PTPRR: variants seen among roughly 807,000 people sequenced by gnomAD.
The protein encoded by PTPRR is protein tyrosine phosphatase receptor type R.
A neutral mutation model predicts 77.2 loss-of-function variants in PTPRR; 38 were observed. That is an observed-to-expected ratio of 0.49 (90% CI 0.38 to 0.65). PTPRR has a LOEUF of 0.65. Ranked by LOEUF, PTPRR falls within the 30% of genes least tolerant of loss-of-function variation. The probability of loss-of-function intolerance (pLI) is 0.00; values close to 1 mark genes in which losing one functional copy is unlikely to be tolerated. For synonymous variants in PTPRR, 299 were observed against 283.1 expected (o/e 1.06, Z -0.57); for missense variants, 744 against 799.2 (o/e 0.93, Z 0.83).
chr12:70,872,552 C>A (rs1171245906), intron 2 of PTPRR, among the ~76,000 whole-genome samples: 3 of 151,536 alleles, frequency 2.0e-5, no homozygotes, highest in African/African-American at 7.3e-5. Context: ...AAAAATTAGC[C>A]AGGCGTGGTG....
intron 2 of PTPRR, among the ~76,000 whole-genome samples, chr12:70,882,616 A>G (rs1364661470): frequency 6.7e-6 from 1 of 149,774 alleles, no homozygotes; most frequent in Admixed American, 6.7e-5. Flanking sequence ...AGTAAGACCC[A>G]TTTTTTTTTT....
At chr12:70,738,700 T>G (rs1248562596) in intron 6 of PTPRR, among the ~76,000 whole-genome samples, 1 of 152,238 alleles carries the variant, frequency 6.6e-6, no homozygotes, top group African/African-American at 2.4e-5. Context: ...GAACTCAGCA[T>G]GTATACAATT....
chr12:70,769,146 G>A (rs1680199859), intron 2 of PTPRR, among the ~76,000 whole-genome samples: 2 of 142,148 alleles, frequency 1.4e-5, no homozygotes, highest in Admixed American at 1.4e-4. Context: ...CATAGTGTTG[G>A]AAGTTCTGGC....
chr12:70,849,662 G>A lies in PTPRR; in HGVS notation c.357+43017C>T, dbSNP rs1892541336. Among the ~76,000 whole-genome samples, 3 of 152,144 alleles carry A rather than the reference G, an allele frequency of 2.0e-5. 1 individual carries two copies. Among genetic ancestry groups the A allele is most frequent in the South Asian group, 4.1e-4 (2 of 4,836 alleles). On this transcript the variant is annotated intron_variant, in intron 2 of 13. Transcript: ENST00000283228. Reference sequence around the variant, plus strand: ...TTTTCCATGAAAAGAAAATCTATCAGTCTACAAAAATATGTGGTTGACAAT... The same window carrying A: ...TTTTCCATGAAAAGAAAATCTATCAATCTACAAAAATATGTGGTTGACAAT...
intron 2 of PTPRR, among the ~76,000 whole-genome samples, chr12:70,888,926 T>C (rs911433327): frequency 6.6e-6 from 1 of 152,226 alleles, no homozygotes; most frequent in Admixed American, 6.5e-5. Flanking sequence ...TAGGTTGTAC[T>C]AAAGCATCGT....
chr12:70,902,764 G>A (rs1375103500), intron 1 of PTPRR, among the ~76,000 whole-genome samples: 1 of 151,664 alleles, frequency 6.6e-6, no homozygotes, highest in Non-Finnish European at 1.5e-5. Context: ...AGGGATAAAA[G>A]TCTAACAAAT....
At chr12:70,710,186 A>G (rs1271913358) in intron 6 of PTPRR, among the ~76,000 whole-genome samples, 3 of 152,170 alleles carry the variant, frequency 2.0e-5, no homozygotes, top group African/African-American at 7.2e-5. Flanking sequence ...ACAGCATAGT[A>G]CTGGGACAAA....
chr12:70,731,157 G>T (rs1489548808), intron 6 of PTPRR, among the ~76,000 whole-genome samples: 1 of 114,842 alleles, frequency 8.7e-6, no homozygotes, highest in Non-Finnish European at 1.9e-5. Context: ...GGAAAAGAAA[G>T]AAAATATACT....
intron 1 of PTPRR, among the ~76,000 whole-genome samples, chr12:70,900,575 AAAGTC>A (rs1421128316): frequency 6.6e-6 from 1 of 151,666 alleles, no homozygotes; most frequent in African/African-American, 2.4e-5. Flanking sequence ...AACAATTAAC[AAAGTC>A]AAGTGATAAC....
chr12:70,884,628 A>G lies in PTPRR; in HGVS notation c.357+8051T>C, dbSNP rs10879212. Among the ~76,000 whole-genome samples the G allele has an allele frequency of 1.6e-3, 245 of 151,760 alleles. 2 individuals carry two copies. The highest frequency in any genetic ancestry group is 3.4e-3 in the Middle Eastern group (1 of 294). ...CACGCCTGTAATCCCAGCACTTTGG[A>G]AGGCCGAGGCGGGCGGATCACGAGG... On this transcript the variant is annotated intron_variant, in intron 2 of 13. Coordinates refer to ENST00000283228, the MANE Select transcript of PTPRR (RefSeq NM_002849.4).
intron 6 of PTPRR, among the ~76,000 whole-genome samples, chr12:70,715,853 T>C (rs894977388): frequency 2.0e-5 from 3 of 152,144 alleles, no homozygotes; most frequent in Non-Finnish European, 4.4e-5. Flanking sequence ...GCAATTATCA[T>C]AGGGTCCTGA....
chr12:70,847,838 A>G (rs1290214231), intron 2 of PTPRR, among the ~76,000 whole-genome samples: 1 of 152,190 alleles, frequency 6.6e-6, no homozygotes, highest in Non-Finnish European at 1.5e-5. Context: ...ACTTTTAAGA[A>G]GTATTTGTTC....
intron 2 of PTPRR, 97 bp downstream of exon 2, chr12:70,892,582 T>C: frequency 7.2e-7 from 1 of 1,394,576 alleles, no homozygotes; most frequent in Non-Finnish European, 9.9e-7. Flanking sequence ...TTGGGATTCA[T>C]TGATAACTAT....
chr12:70,801,173 T>C (rs1891608627), intron 2 of PTPRR, among the ~76,000 whole-genome samples: 1 of 152,236 alleles, frequency 6.6e-6, no homozygotes, highest in African/African-American at 2.4e-5. Context: ...AGTTCCTTTA[T>C]ATATCTGTTG....
At chr12:70,707,230 G>T (rs1343654165) in intron 6 of PTPRR, among the ~76,000 whole-genome samples, 2 of 152,020 alleles carry the variant, frequency 1.3e-5, no homozygotes, top group East Asian at 3.8e-4. Flanking sequence ...GTTAACTAAA[G>T]CTAAAAATAG....
intron 2 of PTPRR, among the ~76,000 whole-genome samples, chr12:70,880,953 C>T (rs1051511718): frequency 2.6e-5 from 4 of 152,096 alleles, no homozygotes; most frequent in African/African-American, 9.7e-5. Context: ...ATATAGATGA[C>T]ATCATCATTT....
At chr12:70,824,032 C>T (rs1038716759) in intron 2 of PTPRR, among the ~76,000 whole-genome samples, 4 of 152,140 alleles carry the variant, frequency 2.6e-5, no homozygotes, top group African/African-American at 2.4e-5. Flanking sequence ...CCCCTCCTTC[C>T]TCAACAACGG....
rs568694368 is a variant in PTPRR, at chr12:70,756,387, G to C, written c.628-2086C>G. Among the ~76,000 whole-genome samples the C allele has an allele frequency of 1.2e-3, 179 of 152,112 alleles. No individual in the cohort carries two copies. The Middle Eastern group carries it at 0.017, about 14-fold the overall frequency. Reference sequence around the variant, plus strand: ...CTGAACACTACTATATTTGTACAGAGATCTAAAAAACTTGATAAGGGCAGG... The same window carrying C: ...CTGAACACTACTATATTTGTACAGACATCTAAAAAACTTGATAAGGGCAGG... On this transcript the variant is annotated intron_variant, in intron 4 of 13. Transcript: ENST00000283228.
intron 2 of PTPRR, among the ~76,000 whole-genome samples, chr12:70,866,108 C>T (rs1480736348): frequency 6.6e-6 from 1 of 151,936 alleles, no homozygotes; most frequent in Admixed American, 6.6e-5. Context: ...GACACCCTAA[C>T]ATCACAATTA....
Sources: allele counts gnomAD v4.1 joint callset (sites outside exome capture counted in the v4.1 genomes callset), GRCh38; gene constraint gnomAD v4.1.1; transcripts MANE v1.5; gene names NCBI Gene and HGNC (gene_info 2026-07-23, HGNC 2026-07-21).